ADAMTS9: variants seen among roughly 807,000 people sequenced by gnomAD.
The protein encoded by ADAMTS9 is A disintegrin and metalloproteinase with thrombospondin motifs 9.
Under a neutral mutation model 257.1 loss-of-function variants are expected in ADAMTS9, and 107 were observed. That is an observed-to-expected ratio of 0.42 (90% confidence interval 0.36 to 0.49). ADAMTS9 has a LOEUF of 0.49. Among genes scored for constraint, ADAMTS9 ranks in the 20% least tolerant of loss-of-function variants. The pLI, the probability that ADAMTS9 is intolerant of heterozygous loss-of-function variation, is 0.03. For synonymous variants in ADAMTS9, 982 were observed against 880.9 expected, an observed-to-expected ratio of 1.11 and a Z score of -2.03; for missense variants, 2,353 against 2,469.1, an observed-to-expected ratio of 0.95 and a Z score of 1.00.
chr3:64,653,258 T>C (rs1448563971), intron 8 of ADAMTS9, among the ~76,000 whole-genome samples: 1 of 152,170 alleles, frequency 6.6e-6, no homozygotes, highest in Non-Finnish European at 1.5e-5. Context: ...TCCTTGAGTT[T>C]CACAAAAGTG....
At chr3:64,683,201 G>C (rs1200438860) in intron 2 of ADAMTS9, among the ~76,000 whole-genome samples, 1 of 152,172 alleles carries the variant, frequency 6.6e-6, no homozygotes, top group Non-Finnish European at 1.5e-5. Flanking sequence ...CATGAGTCCT[G>C]GGAAAGAGCC....
At chr3:64,574,269 T>G (rs1296279125) in intron 28 of ADAMTS9, among the ~76,000 whole-genome samples, 3 of 152,142 alleles carry the variant, frequency 2.0e-5, no homozygotes, top group Admixed American at 2.0e-4. Flanking sequence ...GAGCAGGATA[T>G]TGGGATAAAG....
At chr3:64,547,994 C>T (rs140946706) in intron 31 of ADAMTS9, among the ~76,000 whole-genome samples, 111 of 152,018 alleles carry the variant, frequency 7.3e-4, no homozygotes, top group African/African-American at 2.6e-3. Context: ...GGGTAGAGTG[C>T]CGGTATTCTC....
chr3:64,557,152 A>C (rs918124374), intron 30 of ADAMTS9, among the ~76,000 whole-genome samples: 2 of 152,124 alleles, frequency 1.3e-5, no homozygotes, highest in Non-Finnish European at 2.9e-5. Context: ...GGCCTGAAGG[A>C]TAAGAAAGGG....
At position 64,633,802 on chromosome 3, in the gene ADAMTS9, T is replaced by G; in HGVS notation, c.1934A>C (p.Gln645Pro). The change falls in exon 13 of 40, where the codon CAG becomes CCG. Residue 645 changes from glutamine (Q) to proline (P), a missense_variant. By Grantham distance (76) the Gln-to-Pro change is moderately conservative. Around this residue, in one of 3 missense-constraint regions of ADAMTS9, gnomAD observed 360 missense variants for 458.1 expected, o/e 0.79. Coordinates refer to ENST00000498707, the MANE Select transcript of ADAMTS9 (RefSeq NM_182920.2). Reference sequence around the variant, plus strand: ...CTGTTCATCTCGGAAGTCTCGCTTCTGCTTGAGACATGGCTCCGTGTTGCA... The same window carrying G: ...CTGTTCATCTCGGAAGTCTCGCTTCGGCTTGAGACATGGCTCCGTGTTGCA... ...KSCNTEPCLK[Q>P]KRDFRDEQCA... 4 of 1,613,448 alleles carry G rather than the reference T, an allele frequency of 2.5e-6. No individual in the cohort carries two copies. The highest frequency in any genetic ancestry group is 3.3e-4 in the Middle Eastern group (2 of 6,058).
chr3:64,638,191 A>G (rs567800243), intron 12 of ADAMTS9, among the ~76,000 whole-genome samples: 12 of 152,302 alleles, frequency 7.9e-5, no homozygotes, highest in Middle Eastern at 3.4e-3. Context: ...GCACTGGAAA[A>G]AGAAAATGCT....
At position 64,592,241 on chromosome 3, in the gene ADAMTS9, A is replaced by C. The variant is rs187746231; in HGVS notation, c.4356+2017T>G. 3.3e-5 allele frequency: 5 copies of C among 152,342 alleles called. No individual in the cohort carries two copies. In the East Asian group the frequency reaches 9.6e-4, roughly 29 times the overall value. 9.4% of individuals were successfully genotyped at this position (152,342 alleles called of 1,614,324 possible). A position where few individuals can be genotyped will look rare whatever the true frequency, so the allele number is the denominator to read the frequency against. On this transcript the variant is annotated intron_variant, in intron 28 of 39. Coordinates refer to ENST00000498707, the MANE Select transcript of ADAMTS9 (RefSeq NM_182920.2). ...CTGTAGAGGCTTCGCATATTTGAAT[A>C]ATGATCACTTTATAAAGAAACCATT...
At chr3:64,543,402 C>T (rs1256265688) in intron 32 of ADAMTS9, among the ~76,000 whole-genome samples, 1 of 152,182 alleles carries the variant, frequency 6.6e-6, no homozygotes, top group African/African-American at 2.4e-5. Flanking sequence ...AGCAGCACAT[C>T]AAAAAGCTTA....
chr3:64,666,782 T>C (rs936301633), intron 3 of ADAMTS9, among the ~76,000 whole-genome samples: 1 of 152,230 alleles, frequency 6.6e-6, no homozygotes, highest in African/African-American at 2.4e-5. Flanking sequence ...ATTGTTTTAC[T>C]TGTAGCATGC....
chr3:64,592,495 G>C (rs934743316), intron 28 of ADAMTS9: 4 of 152,158 alleles, frequency 2.6e-5, no homozygotes, highest in Non-Finnish European at 4.4e-5. Context: ...ATCTGTGGGG[G>C]AGGGTAGTGA....
Position 64,633,713 on chromosome 3 carries a change from G to A in ADAMTS9, c.2023C>T (p.Pro675Ser). The change falls in exon 13 of 40, where the codon CCT becomes TCT. Residue 675 changes from proline to serine, a missense_variant. Pro to Ser is a moderately conservative substitution (Grantham distance 74, BLOSUM62 -1). Around this residue, in one of 3 missense-constraint regions of ADAMTS9, gnomAD observed 360 missense variants for 458.1 expected, o/e 0.79. Coordinates refer to ENST00000498707, the MANE Select transcript of ADAMTS9 (RefSeq NM_182920.2). ...NGLLPNVRWV[P>S]KYSGILMKDR... ...ACACACTTACTTCCACTGTATTTAG[G>A]GACCCAGCGCACATTGGGAAGCAGA... The A allele has an allele frequency of 6.2e-7, 1 of 1,613,622 alleles. No individual in the cohort carries two copies. The highest frequency in any genetic ancestry group is 8.5e-7 in the Non-Finnish European group (1 of 1,179,916).
At chr3:64,578,457 T>A (rs1477151476) in intron 28 of ADAMTS9, among the ~76,000 whole-genome samples, 1 of 152,200 alleles carries the variant, frequency 6.6e-6, no homozygotes, top group East Asian at 1.9e-4. Flanking sequence ...TACTCTGAGA[T>A]GTATTCAGAT....
At position 64,546,887 on chromosome 3, in the gene ADAMTS9, C is replaced by T; in HGVS notation, c.4935G>A (p.Gly1645=). The T allele has an allele frequency of 6.2e-7, 1 of 1,614,120 alleles. No homozygotes were observed. The stretch of plus-strand genomic sequence containing the variant: ...GGTAGCTGTATTCATAATTCTCCTT[C>T]CCGGTGTAAATCTCGCTGCACGAGA... The part of the protein sequence containing the change: ...RLVSCSEIYT[G]KENYEYSYQT... The change falls in exon 32 of 40, where the codon GGG becomes GGA. Residue 1645 remains glycine (G), a synonymous_variant. Transcript: ENST00000498707.
intron 28 of ADAMTS9, chr3:64,590,025 T>A (rs937988575): frequency 6.6e-6 from 1 of 152,146 alleles, no homozygotes; most frequent in African/African-American, 2.4e-5. Context: ...TCCAATCACC[T>A]TTTTTTGTCT....
At chr3:64,524,062 G>C (rs112674810) in intron 38 of ADAMTS9, among the ~76,000 whole-genome samples, 2,268 of 152,236 alleles carry the variant, frequency 0.015, 46 homozygotes, top group African/African-American at 0.052. Flanking sequence ...CACAAGTAAC[G>C]TTAGATTGTT....
chr3:64,621,425 T>C (rs554146060), intron 18 of ADAMTS9, among the ~76,000 whole-genome samples, 185 bp from the exon 19 acceptor site: 55 of 152,250 alleles, frequency 3.6e-4, no homozygotes, highest in Non-Finnish European at 6.6e-4. Flanking sequence ...AGGCAATACA[T>C]AAACAAAATT....
chr3:64,520,590 C>G (rs1410471843), intron 39 of ADAMTS9, among the ~76,000 whole-genome samples: 1 of 151,934 alleles, frequency 6.6e-6, no homozygotes, highest in African/African-American at 2.4e-5. Context: ...GGTACTGGTA[C>G]TAAAATAGAC....
intron 12 of ADAMTS9, among the ~76,000 whole-genome samples, chr3:64,639,323 A>C (rs1297794635): frequency 2.0e-5 from 3 of 148,280 alleles, no homozygotes; most frequent in Non-Finnish European, 4.5e-5. Context: ...AAAAAAAAAA[A>C]AAAAAAAACC....
chr3:64,653,535 A>C (rs1311202358), intron 8 of ADAMTS9, among the ~76,000 whole-genome samples: 1 of 152,160 alleles, frequency 6.6e-6, no homozygotes, highest in Non-Finnish European at 1.5e-5. Context: ...CACATAGGGG[A>C]CCTTAAATGT....
Sources: gnomAD v4.1 joint callset for allele counts (sites outside exome capture counted in the v4.1 genomes callset) on GRCh38, gnomAD v4.1.1 for gene constraint, gnomAD v4.1.1 regional missense constraint, MANE v1.5 for transcripts, NCBI Gene and HGNC (gene_info 2026-07-23, HGNC 2026-07-21) for gene names.